ZSWIM5: variants seen among roughly 807,000 people sequenced by gnomAD.
ZSWIM5 encodes the protein zinc finger SWIM-type containing 5.
ZSWIM5 carries 55 observed loss-of-function variants against 119.6 expected under a neutral mutation model. The ratio of observed to expected loss-of-function variants is 0.46; its 90% CI spans 0.37 to 0.58. The LOEUF (loss-of-function observed/expected upper bound fraction) is 0.58. ZSWIM5 is among the 20% of genes least tolerant of loss of function. The probability of loss-of-function intolerance (pLI) is 0.00; values close to 1 mark genes in which losing one functional copy is unlikely to be tolerated. For missense variants in ZSWIM5, 1,193 were observed against 1,512.8 expected (o/e 0.79, Z 3.51); for synonymous variants, 537 against 606.9 (o/e 0.88, Z 1.69).
At chr1:45,173,730 T>G (rs1384766924) in intron 1 of ZSWIM5, among the ~76,000 whole-genome samples, 2 of 152,152 alleles carry the variant, frequency 1.3e-5, no homozygotes, top group Non-Finnish European at 2.9e-5. Flanking sequence ...TATAACATGT[T>G]AAATATTTGG....
intron 8 of ZSWIM5, 124 bp from the exon 9 acceptor site, chr1:45,036,423 C>T: frequency 7.5e-7 from 1 of 1,328,784 alleles, no homozygotes; most frequent in Non-Finnish European, 1.0e-6. Context: ...GGTGCAATCT[C>T]AGCTCACTGC....
chr1:45,090,130 G>A (rs1190560107), intron 1 of ZSWIM5, among the ~76,000 whole-genome samples: 1 of 152,066 alleles, frequency 6.6e-6, no homozygotes, highest in African/African-American at 2.4e-5. Flanking sequence ...AGACAGTTAT[G>A]GTTAATTAAA....
At chr1:45,038,341 C>A (rs1028670992) in intron 8 of ZSWIM5, among the ~76,000 whole-genome samples, 3 of 152,148 alleles carry the variant, frequency 2.0e-5, no homozygotes, top group African/African-American at 7.2e-5. Flanking sequence ...CCTCTGACTG[C>A]TAAAATTTCT....
chr1:45,039,896 G>T (rs1645009250), intron 7 of ZSWIM5, among the ~76,000 whole-genome samples: 1 of 151,996 alleles, frequency 6.6e-6, no homozygotes, highest in Admixed American at 6.6e-5. Flanking sequence ...AGTAGAGATG[G>T]GGTTTCTCCA....
At chr1:45,038,477 G>A (rs1196725227) in intron 8 of ZSWIM5, among the ~76,000 whole-genome samples, 1 of 152,004 alleles carries the variant, frequency 6.6e-6, no homozygotes. Context: ...GGGTAGGAAA[G>A]GAAGGTGGGA....
intron 1 of ZSWIM5, among the ~76,000 whole-genome samples, chr1:45,110,937 T>C (rs773602023): frequency 6.6e-6 from 1 of 152,210 alleles, no homozygotes; most frequent in Admixed American, 6.5e-5. Flanking sequence ...GACTGACTGA[T>C]TGATTCATTT....
At chr1:45,163,225 C>A (rs890893459) in intron 1 of ZSWIM5, among the ~76,000 whole-genome samples, 1 of 152,194 alleles carries the variant, frequency 6.6e-6, no homozygotes, top group Non-Finnish European at 1.5e-5. Context: ...GAGTGGACCT[C>A]CAGCAAACTC....
intron 2 of ZSWIM5, among the ~76,000 whole-genome samples, chr1:45,061,277 C>CA (rs903796785): frequency 1.3e-4 from 20 of 152,104 alleles, no homozygotes; most frequent in African/African-American, 4.1e-4. Context: ...CTCTTATAGA[C>CA]AGAGTGCTGT....
chr1:45,196,550 CCGGCTAATTTTTTGTATTTTTAGTAGAGG>C (rs1344587229), intron 1 of ZSWIM5, among the ~76,000 whole-genome samples: 1 of 151,712 alleles, frequency 6.6e-6, no homozygotes, highest in Non-Finnish European at 1.5e-5. Context: ...GCCACCACGC[CCGGCTAATTTTTTGTATTTTTAGTAGAGG>C]CGGGATTTCA....
At chr1:45,129,227 C>A (rs1001182979) in intron 1 of ZSWIM5, among the ~76,000 whole-genome samples, 3 of 140,634 alleles carry the variant, frequency 2.1e-5, no homozygotes, top group Non-Finnish European at 4.5e-5. Flanking sequence ...TGCGCAATCT[C>A]AGCTCACTGC....
intron 1 of ZSWIM5, among the ~76,000 whole-genome samples, chr1:45,150,037 G>A (rs931458727): frequency 1.3e-5 from 2 of 151,878 alleles, no homozygotes. Flanking sequence ...GGGCATGGTG[G>A]TGTACACCTG....
At chr1:45,180,625 C>T (rs543478385) in intron 1 of ZSWIM5, among the ~76,000 whole-genome samples, 1 of 152,282 alleles carries the variant, frequency 6.6e-6, no homozygotes, top group African/African-American at 2.4e-5. Context: ...GGGCAGACTG[C>T]CTCCTCAAGT....
chr1:45,196,593 T>C (rs1249958771), intron 1 of ZSWIM5, among the ~76,000 whole-genome samples: 2 of 150,458 alleles, frequency 1.3e-5, no homozygotes, highest in African/African-American at 4.9e-5. Context: ...GATTTCACCA[T>C]GTTAGCTAGG....
intron 1 of ZSWIM5, among the ~76,000 whole-genome samples, chr1:45,104,453 G>C (rs967086833): frequency 6.6e-6 from 1 of 152,114 alleles, no homozygotes; most frequent in Admixed American, 6.5e-5. Flanking sequence ...CTACTTAGCT[G>C]CCTATCAGAC....
intron 1 of ZSWIM5, among the ~76,000 whole-genome samples, chr1:45,117,236 A>G (rs959624869): frequency 8.5e-5 from 13 of 152,248 alleles, no homozygotes; most frequent in African/African-American, 3.1e-4. Flanking sequence ...ATGAAAATGT[A>G]GCAAGAGTGT....
At chr1:45,073,235 A>G (rs1430327122) in intron 2 of ZSWIM5, among the ~76,000 whole-genome samples, 1 of 143,524 alleles carries the variant, frequency 7.0e-6, no homozygotes, top group Non-Finnish European at 1.5e-5. Context: ...GTTCGCATAT[A>G]CAATTGCTAC....
chr1:45,129,576 A>C (rs1274723089), intron 1 of ZSWIM5, among the ~76,000 whole-genome samples: 1 of 152,246 alleles, frequency 6.6e-6, no homozygotes, highest in African/African-American at 2.4e-5. Context: ...CATTGCTGAC[A>C]TATAGGAAAG....
chr1:45,152,329 G>T (rs201758667), intron 1 of ZSWIM5, among the ~76,000 whole-genome samples: 1 of 152,214 alleles, frequency 6.6e-6, no homozygotes. Flanking sequence ...GGCAAGAGAC[G>T]ATGGTAGTTT....
chr1:45,124,428 TA>T (rs1314071284), intron 1 of ZSWIM5, among the ~76,000 whole-genome samples: 1 of 151,952 alleles, frequency 6.6e-6, no homozygotes, highest in Non-Finnish European at 1.5e-5. Context: ...ATACAGAACA[TA>T]AAACCTAGAA....
Sources: allele counts gnomAD v4.1 joint callset (sites outside exome capture counted in the v4.1 genomes callset), GRCh38; gene constraint gnomAD v4.1.1; transcripts MANE v1.5; gene names NCBI Gene and HGNC (gene_info 2026-07-23, HGNC 2026-07-21).